The following TENM4 variants were observed in gnomAD, a reference collection of about 807,000 sequenced individuals.
TENM4 encodes the protein teneurin-4.
In TENM4, 82 loss-of-function variants were observed where a neutral mutation model predicts 243.3. The observed-to-expected ratio is 0.34, with a 90% CI of 0.28 to 0.40. TENM4 has a LOEUF of 0.40. Ranked by LOEUF, TENM4 falls within the 10% of genes least tolerant of loss-of-function variation. The probability of loss-of-function intolerance (pLI) is 1.00; values close to 1 mark genes in which losing one functional copy is unlikely to be tolerated. For missense variants in TENM4, 3,138 were observed against 3,673.3 expected (o/e 0.85, Z 3.77); for synonymous variants, 1,412 against 1,456.3 (o/e 0.97, Z 0.69).
chr11:79,414,157 TACACACACACAC>T (rs10587790), intron 1 of TENM4, among the ~76,000 whole-genome samples: 7 of 150,850 alleles, frequency 4.6e-5, no homozygotes, highest in African/African-American at 9.7e-5. Context: ...CACACATGTG[TACACACACACAC>T]ACACACACAC....
At chr11:79,343,872 A>G (rs1250187807) in intron 1 of TENM4, among the ~76,000 whole-genome samples, 21 of 152,256 alleles carry the variant, frequency 1.4e-4, no homozygotes, top group Admixed American at 1.4e-3. Context: ...CTGGGTCTGC[A>G]GGAGCCTGGA....
chr11:78,752,626 G>A (rs893401900), intron 19 of TENM4, among the ~76,000 whole-genome samples: 5 of 152,178 alleles, frequency 3.3e-5, no homozygotes, highest in Admixed American at 1.3e-4. Flanking sequence ...GGGTTTTGTT[G>A]GTTGGACACA....
At chr11:79,017,026 C>T (rs1216520297) in intron 6 of TENM4, among the ~76,000 whole-genome samples, 2 of 152,212 alleles carry the variant, frequency 1.3e-5, no homozygotes, top group Non-Finnish European at 2.9e-5. Flanking sequence ...TTTATAGATA[C>T]ATAGCATGGT....
chr11:78,846,746 T>C (rs1246071710), intron 12 of TENM4, among the ~76,000 whole-genome samples: 1 of 152,202 alleles, frequency 6.6e-6, no homozygotes, highest in African/African-American at 2.4e-5. Flanking sequence ...CTCCTGGCTA[T>C]ACCCAATGTC....
At chr11:79,214,892 C>G (rs889664919) in intron 3 of TENM4, among the ~76,000 whole-genome samples, 2 of 152,236 alleles carry the variant, frequency 1.3e-5, no homozygotes, top group African/African-American at 4.8e-5. Flanking sequence ...TTCTACCAAC[C>G]TTTGATGGAT....
At chr11:79,145,215 G>A (rs1862375065) in intron 4 of TENM4, among the ~76,000 whole-genome samples, 1 of 151,952 alleles carries the variant, frequency 6.6e-6, no homozygotes, top group Non-Finnish European at 1.5e-5. Context: ...TTTCTCCTCT[G>A]TTATGCTCAT....
chr11:79,026,927 C>CAG (rs373300937), intron 6 of TENM4, among the ~76,000 whole-genome samples: 18 of 151,242 alleles, frequency 1.2e-4, no homozygotes, highest in South Asian at 8.4e-4. Flanking sequence ...TAGATTCTAA[C>CAG]AGAGAGAGAG....
At chr11:79,138,558 A>AT (rs1316145183) in intron 4 of TENM4, among the ~76,000 whole-genome samples, 2 of 31,086 alleles carry the variant, frequency 6.4e-5, no homozygotes, top group Admixed American at 7.5e-4. Flanking sequence ...TATTTATATA[A>AT]ATACATAAAA....
intron 1 of TENM4, among the ~76,000 whole-genome samples, chr11:79,421,954 G>C (rs1858941354): frequency 6.6e-6 from 1 of 152,092 alleles, no homozygotes; most frequent in South Asian, 2.1e-4. Context: ...CCTTTCAAGA[G>C]GCTGGCTAGA....
chr11:79,375,691 G>A (rs1857877342), intron 1 of TENM4, among the ~76,000 whole-genome samples: 1 of 152,206 alleles, frequency 6.6e-6, no homozygotes, highest in African/African-American at 2.4e-5. Context: ...GAAGAAAAAT[G>A]TGAAGCAATT....
chr11:79,177,330 C>T (rs556334959), intron 3 of TENM4, among the ~76,000 whole-genome samples: 23 of 152,164 alleles, frequency 1.5e-4, no homozygotes, highest in African/African-American at 5.1e-4. Context: ...TTTCTCTTTT[C>T]TTTCTCCTTT....
chr11:79,144,059 C>T (rs762610731), intron 4 of TENM4, among the ~76,000 whole-genome samples: 2 of 151,808 alleles, frequency 1.3e-5, no homozygotes, highest in African/African-American at 2.4e-5. Context: ...CATCTGACGA[C>T]GCATTAATAA....
At chr11:79,384,002 C>T (rs1217143554) in intron 1 of TENM4, among the ~76,000 whole-genome samples, 4 of 152,140 alleles carry the variant, frequency 2.6e-5, no homozygotes, top group African/African-American at 7.2e-5. Context: ...CCTGCCCCCC[C>T]TTCCTTTCTT....
chr11:79,154,230 G>T (rs1862560782), intron 3 of TENM4, among the ~76,000 whole-genome samples: 1 of 152,098 alleles, frequency 6.6e-6, no homozygotes, highest in Non-Finnish European at 1.5e-5. Flanking sequence ...GCCTCAGGAA[G>T]CTTCCAATCA....
rs368864958 is a variant in TENM4, at chr11:79,024,759, T to C, written c.493+39979A>G. Among the ~76,000 whole-genome samples, 356 of 152,358 alleles carry C rather than the reference T, an allele frequency of 2.3e-3. 1 individual carries two copies. The highest frequency in any genetic ancestry group is 8.2e-3 in the African/African-American group (341 of 41,586). On this transcript the variant is annotated intron_variant, in intron 6 of 33. Transcript: ENST00000278550. ...TCAGCTCGTGTGTATGGTGCCTTTA[T>C]GTATTACTGCAGAGTTCACCTTGAG...
chr11:79,019,127 G>A (rs1054306941), intron 6 of TENM4, among the ~76,000 whole-genome samples: 1 of 152,216 alleles, frequency 6.6e-6, no homozygotes, highest in Non-Finnish European at 1.5e-5. Context: ...ACACTTCCAT[G>A]CCTCTGTGAA....
chr11:79,359,215 A>G (rs993837941), intron 1 of TENM4, among the ~76,000 whole-genome samples: 1 of 152,154 alleles, frequency 6.6e-6, no homozygotes, highest in Non-Finnish European at 1.5e-5. Context: ...GCAGTAAGCT[A>G]TGATTGCACC....
chr11:79,328,985 A>G (rs1005036705), intron 1 of TENM4, among the ~76,000 whole-genome samples: 2 of 152,202 alleles, frequency 1.3e-5, no homozygotes, highest in Non-Finnish European at 2.9e-5. Flanking sequence ...CCGTCTCTAC[A>G]AAACTGTCCT....
At chr11:79,332,196 T>C (rs1251512760) in intron 1 of TENM4, among the ~76,000 whole-genome samples, 2 of 152,190 alleles carry the variant, frequency 1.3e-5, no homozygotes, top group Non-Finnish European at 2.9e-5. Flanking sequence ...TGAGCCAAGG[T>C]AGCCCAATGC....
Sources: gnomAD v4.1 joint callset for allele counts (sites outside exome capture counted in the v4.1 genomes callset) on GRCh38, gnomAD v4.1.1 for gene constraint, MANE v1.5 for transcripts, NCBI Gene and HGNC (gene_info 2026-07-23, HGNC 2026-07-21) for gene names.